CPS1: variants seen among roughly 807,000 people sequenced by gnomAD.
The protein encoded by CPS1 is carbamoyl-phosphate synthase [ammonia], mitochondrial.
In CPS1, 109 loss-of-function variants were observed where a neutral mutation model predicts 174.6. That is an observed-to-expected ratio of 0.62 (90% CI 0.53 to 0.73). The LOEUF is 0.73. Ranked by LOEUF, CPS1 falls within the 30% of genes least tolerant of loss-of-function variation. The probability of loss-of-function intolerance (pLI) is 0.00; values close to 1 mark genes in which losing one functional copy is unlikely to be tolerated. For synonymous variants in CPS1, 637 were observed against 632.0 expected (o/e 1.01, Z -0.12); for missense variants, 1,689 against 1,821.9 (o/e 0.93, Z 1.33).
intron 7 of CPS1, among the ~76,000 whole-genome samples, chr2:210,588,585 A>G (rs1413142817): frequency 6.6e-6 from 1 of 152,086 alleles, no homozygotes; most frequent in Non-Finnish European, 1.5e-5. Flanking sequence ...ATCAACTCTT[A>G]GACAACCAGT....
intron 1 of CPS1, among the ~76,000 whole-genome samples, chr2:210,498,430 G>T (rs979171088): frequency 6.6e-6 from 1 of 151,986 alleles, no homozygotes; most frequent in Non-Finnish European, 1.5e-5. Flanking sequence ...TTGTAAATGG[G>T]ATTGCATTCT....
At chr2:210,508,296 T>G (rs1695346712) in intron 1 of CPS1, among the ~76,000 whole-genome samples, 1 of 151,830 alleles carries the variant, frequency 6.6e-6, no homozygotes, top group Non-Finnish European at 1.5e-5. Flanking sequence ...CATAATGAAA[T>G]GAAGGCAGAA....
chr2:210,495,365 C>T (rs1045548839), intron 1 of CPS1, among the ~76,000 whole-genome samples: 4 of 152,124 alleles, frequency 2.6e-5, no homozygotes, highest in African/African-American at 9.7e-5. Flanking sequence ...TGTGATGTGC[C>T]TCCACTCAAG....
intron 1 of CPS1, among the ~76,000 whole-genome samples, chr2:210,527,860 A>G (rs1420186901): frequency 6.6e-6 from 1 of 151,796 alleles, no homozygotes; most frequent in Non-Finnish European, 1.5e-5. Context: ...ACAGCTTTAA[A>G]ATTTGATGCA....
chr2:210,512,315 G>A (rs1187830284), intron 1 of CPS1, among the ~76,000 whole-genome samples: 2 of 151,404 alleles, frequency 1.3e-5, no homozygotes, highest in Admixed American at 6.6e-5. Flanking sequence ...CCAGATAGTG[G>A]GCATAGTACC....
At chr2:210,606,475 T>C (rs1350896427) in intron 17 of CPS1, among the ~76,000 whole-genome samples, 4 of 151,894 alleles carry the variant, frequency 2.6e-5, no homozygotes, top group Non-Finnish European at 4.4e-5. Flanking sequence ...GAAGTCAATC[T>C]AGTAAGTAGA....
intron 1 of CPS1, among the ~76,000 whole-genome samples, chr2:210,537,431 C>G (rs1232852512): frequency 2.0e-5 from 3 of 152,194 alleles, no homozygotes; most frequent in Non-Finnish European, 4.4e-5. Context: ...CTAGCATGAA[C>G]TGCCATCCTC....
At chr2:210,530,070 G>T (rs926834938) in intron 1 of CPS1, among the ~76,000 whole-genome samples, 3 of 151,882 alleles carry the variant, frequency 2.0e-5, no homozygotes, top group Non-Finnish European at 4.4e-5. Flanking sequence ...TCTTGGTAAG[G>T]GTTACCACTT....
Position 210,613,269 on chromosome 2 carries a change from A to G in CPS1, c.2568+976A>G, listed in dbSNP as rs1435436259. Among the ~76,000 whole-genome samples, 4 of 152,100 alleles carry G rather than the reference A, an allele frequency of 2.6e-5. No homozygotes were observed. The East Asian group carries it at 7.8e-4, about 30-fold the overall frequency. Reference sequence around the variant, plus strand: ...TATGTCCATATTTTGAGTCCTTAAGAGACCTGAAGGAGAGGAAGGGATATT... The same window carrying G: ...TATGTCCATATTTTGAGTCCTTAAGGGACCTGAAGGAGAGGAAGGGATATT... On this transcript the variant is annotated intron_variant, in intron 20 of 37. Transcript: ENST00000233072.
intron 1 of CPS1, among the ~76,000 whole-genome samples, chr2:210,512,761 T>TGGAGAGAG (rs1416737125): frequency 8.5e-6 from 1 of 117,000 alleles, no homozygotes; most frequent in African/African-American, 3.6e-5. Flanking sequence ...TATATATATA[T>TGGAGAGAG]ATATATATAT....
chr2:210,629,562 G>A (rs1046892074), intron 21 of CPS1, among the ~76,000 whole-genome samples: 4 of 151,512 alleles, frequency 2.6e-5, no homozygotes, highest in Non-Finnish European at 5.9e-5. Flanking sequence ...TGATCCGCCC[G>A]CCTCGGCCTC....
At chr2:210,541,273 T>G (rs1280696551) in intron 1 of CPS1, among the ~76,000 whole-genome samples, 1 of 152,184 alleles carries the variant, frequency 6.6e-6, no homozygotes, top group Non-Finnish European at 1.5e-5. Context: ...AAGTCTCTCA[T>G]TTTGAATTTC....
At chr2:210,541,235 G>A (rs1559068233) in intron 1 of CPS1, among the ~76,000 whole-genome samples, 1 of 152,148 alleles carries the variant, frequency 6.6e-6, no homozygotes, top group Non-Finnish European at 1.5e-5. Context: ...AAACAGAAGA[G>A]CTCTTTTAGC....
chr2:210,505,761 G>A (rs1695262809), intron 1 of CPS1, among the ~76,000 whole-genome samples: 17 of 152,190 alleles, frequency 1.1e-4, no homozygotes, highest in Admixed American at 1.0e-3. Context: ...TGGCACGAAG[G>A]GTCCTATGCC....
chr2:210,569,038 T>C (rs1290859084), intron 1 of CPS1, among the ~76,000 whole-genome samples: 3 of 152,096 alleles, frequency 2.0e-5, no homozygotes, highest in African/African-American at 7.2e-5. Context: ...AAATACTCAG[T>C]TGATTATCTG....
At chr2:210,500,266 C>G (rs1296531606) in intron 1 of CPS1, among the ~76,000 whole-genome samples, 1 of 152,044 alleles carries the variant, frequency 6.6e-6, no homozygotes, top group Non-Finnish European at 1.5e-5. Context: ...TGATATCATC[C>G]CACCACTGGC....
chr2:210,629,547 C>T (rs1423543762), intron 21 of CPS1, among the ~76,000 whole-genome samples: 2 of 151,352 alleles, frequency 1.3e-5, no homozygotes, highest in African/African-American at 4.8e-5. Context: ...GATCTCCTGA[C>T]CTCGTGATCC....
At chr2:210,569,880 T>C (rs1417008468) in intron 1 of CPS1, among the ~76,000 whole-genome samples, 1 of 152,016 alleles carries the variant, frequency 6.6e-6, no homozygotes, top group Non-Finnish European at 1.5e-5. Flanking sequence ...GCTCTGGCAG[T>C]AGGCACTTAA....
In CPS1 at chr2:210,582,700, T is replaced by A; in HGVS notation, c.612T>A (p.Val204=). 6.2e-7 allele frequency: 1 copy of A among 1,611,534 alleles called. No homozygotes were observed. Among genetic ancestry groups the A allele is most frequent in the Non-Finnish European group, 8.5e-7 (1 of 1,177,830 alleles). The change falls in exon 6 of 38, where the codon GTT becomes GTA. Residue 204 remains valine, a synonymous_variant. Coordinates refer to ENST00000233072, the MANE Select transcript of CPS1 (RefSeq NM_001875.5). ...DPNKQNLIAE[V]STKDVKVYGK... ...ATAAACAGAATTTGATTGCTGAGGT[T>A]TCAACCAAGGTGAGGGGTTTTCCTT... is the stretch of plus-strand genomic sequence containing the variant.
Sources: allele counts gnomAD v4.1 joint callset (sites outside exome capture counted in the v4.1 genomes callset), GRCh38; gene constraint gnomAD v4.1.1; transcripts MANE v1.5; gene names NCBI Gene and HGNC (gene_info 2026-07-23, HGNC 2026-07-21).